The following ARHGAP8 variants were observed in gnomAD, a reference collection of about 807,000 sequenced individuals.
ARHGAP8 encodes the protein rho GTPase-activating protein 8.
Under a neutral mutation model 46.1 loss-of-function variants are expected in ARHGAP8, and 62 were observed. The ratio of observed to expected loss-of-function variants is 1.34; its 90% CI spans 1.10 to 1.66. The LOEUF (loss-of-function observed/expected upper bound fraction) is 1.66, where lower values mean the gene tolerates loss of function less well. Among genes scored for constraint, ARHGAP8 ranks in the 40% most tolerant of loss-of-function variants. The pLI is 0.00. For synonymous variants in ARHGAP8, 375 were observed against 243.1 expected (o/e 1.54, Z -5.05); for missense variants, 923 against 568.4 (o/e 1.62, Z -6.34).
intron 11 of ARHGAP8, among the ~76,000 whole-genome samples, chr22:44,860,593 CA>C (rs1275919531): frequency 9.2e-5 from 14 of 151,704 alleles, no homozygotes; most frequent in Non-Finnish European, 2.1e-4. Flanking sequence ...AGGTCACAGT[CA>C]GATTCTCTGT....
At chr22:44,840,994 A>G (rs543295132) in intron 7 of ARHGAP8, among the ~76,000 whole-genome samples, 5 of 152,290 alleles carry the variant, frequency 3.3e-5, no homozygotes, top group South Asian at 2.1e-4. Flanking sequence ...TGCCAGCTCC[A>G]TGGCCCCAAA....
intron 1 of ARHGAP8, among the ~76,000 whole-genome samples, chr22:44,768,695 C>G (rs747029956): frequency 4.6e-5 from 7 of 152,210 alleles, no homozygotes; most frequent in African/African-American, 7.2e-5. Context: ...TCAGATGAAG[C>G]CTTTTGGGCA....
At chr22:44,776,677 A>G (rs1926446151) in intron 1 of ARHGAP8, among the ~76,000 whole-genome samples, 1 of 152,078 alleles carries the variant, frequency 6.6e-6, no homozygotes, top group South Asian at 2.1e-4. Context: ...CTGAGGCTTC[A>G]CTTGCCGGTT....
chr22:44,767,265 G>A (rs755463368), intron 1 of ARHGAP8, among the ~76,000 whole-genome samples: 3 of 152,010 alleles, frequency 2.0e-5, no homozygotes, highest in Non-Finnish European at 2.9e-5. Context: ...CAGAAATATT[G>A]CTGAGAACAC....
chr22:44,861,657 G>C (rs1569190089), intron 11 of ARHGAP8, among the ~76,000 whole-genome samples: 1 of 152,150 alleles, frequency 6.6e-6, no homozygotes, highest in Non-Finnish European at 1.5e-5. Context: ...CAGAGAACAG[G>C]CCCTGCCCTC....
At chr22:44,817,139 G>A (rs548681549) in intron 5 of ARHGAP8, among the ~76,000 whole-genome samples, 11 of 151,066 alleles carry the variant, frequency 7.3e-5, no homozygotes, top group East Asian at 6.0e-4. Context: ...CACCCGCCTC[G>A]GCCTCCCAAA....
At chr22:44,762,659 T>G (rs1925228546) in intron 1 of ARHGAP8, among the ~76,000 whole-genome samples, 1 of 150,764 alleles carries the variant, frequency 6.6e-6, no homozygotes, top group Non-Finnish European at 1.5e-5. Flanking sequence ...TTCTCCTGCC[T>G]CAGCCTTCTG....
At chr22:44,796,335 G>T (rs1928081543) in intron 2 of ARHGAP8, among the ~76,000 whole-genome samples, 1 of 152,188 alleles carries the variant, frequency 6.6e-6, no homozygotes, top group East Asian at 1.9e-4. Context: ...CTCCTCGGGG[G>T]CAGCTGATGG....
At chr22:44,861,308 T>G (rs2070470514) in intron 11 of ARHGAP8, among the ~76,000 whole-genome samples, 1 of 152,186 alleles carries the variant, frequency 6.6e-6, no homozygotes. Context: ...GATTTCTCTC[T>G]CTAGCCGCCA....
chr22:44,808,209 C>CCTA, intron 3 of ARHGAP8, 98 bp from the exon 4 acceptor site: 2 of 1,533,026 alleles, frequency 1.3e-6, no homozygotes, highest in Non-Finnish European at 1.8e-6. Flanking sequence ...GGTGCTGGCA[C>CCTA]CTACTGGGTG....
intron 4 of ARHGAP8, among the ~76,000 whole-genome samples, chr22:44,814,462 C>T (rs1333138753): frequency 3.3e-5 from 5 of 152,188 alleles, no homozygotes; most frequent in South Asian, 2.1e-4. Flanking sequence ...CGAACTAAAG[C>T]GCTGCAGGCA....
chr22:44,808,859 C>G, intron 4 of ARHGAP8: 1 of 364,970 alleles, frequency 2.7e-6, no homozygotes. Context: ...GCCCTGTTGC[C>G]CAGGCTGGAG....
intron 7 of ARHGAP8, among the ~76,000 whole-genome samples, chr22:44,829,422 G>A (rs527921380): frequency 1.3e-5 from 2 of 152,342 alleles, no homozygotes; most frequent in Admixed American, 1.3e-4. Context: ...AAGGCTACCA[G>A]AGATACCATT....
intron 9 of ARHGAP8, among the ~76,000 whole-genome samples, chr22:44,848,448 C>G (rs2147166336): frequency 6.6e-6 from 1 of 152,368 alleles, no homozygotes; most frequent in Non-Finnish European, 1.5e-5. Flanking sequence ...GCAGTGGCCT[C>G]TGAGCTGAGG....
chr22:44,859,008 A>C (rs1170455069), intron 10 of ARHGAP8, among the ~76,000 whole-genome samples: 1 of 151,798 alleles, frequency 6.6e-6, no homozygotes, highest in Non-Finnish European at 1.5e-5. Context: ...GCTGTGTTCC[A>C]AGAAAACGTT....
chr22:44,819,737 C>T (rs965961592), intron 5 of ARHGAP8, among the ~76,000 whole-genome samples: 2 of 152,192 alleles, frequency 1.3e-5, no homozygotes, highest in Admixed American at 6.5e-5. Context: ...CAATATCTTA[C>T]GCACCTTATG....
intron 1 of ARHGAP8, among the ~76,000 whole-genome samples, chr22:44,755,822 C>T (rs1324189543): frequency 2.0e-5 from 3 of 152,150 alleles, no homozygotes; most frequent in African/African-American, 4.8e-5. Context: ...GAGGCAGGCG[C>T]TGCAATGGTT....
chr22:44,799,984 G>C (rs1928365450), intron 2 of ARHGAP8, among the ~76,000 whole-genome samples: 1 of 151,946 alleles, frequency 6.6e-6, no homozygotes, highest in Non-Finnish European at 1.5e-5. Flanking sequence ...TGTGGGGTGG[G>C]GCAAGGTGGG....
At chr22:44,776,343 T>C (rs1054044327) in intron 1 of ARHGAP8, among the ~76,000 whole-genome samples, 23 of 151,902 alleles carry the variant, frequency 1.5e-4, no homozygotes, top group African/African-American at 5.1e-4. Context: ...TCCCAGCTAC[T>C]CGGGAGGCCG....
Sources: gnomAD v4.1 joint callset for allele counts (sites outside exome capture counted in the v4.1 genomes callset) on GRCh38, gnomAD v4.1.1 for gene constraint, MANE v1.5 for transcripts, NCBI Gene and HGNC (gene_info 2026-07-23, HGNC 2026-07-21) for gene names.